SPHK2: variants seen among roughly 807,000 people sequenced by gnomAD.
SPHK2 encodes sphingosine kinase 2.
Under a neutral mutation model 32.3 loss-of-function variants are expected in SPHK2, and 18 were observed. That is an observed-to-expected ratio of 0.56 (90% CI 0.39 to 0.83). The LOEUF is 0.83. SPHK2 is among the 40% of genes least tolerant of loss of function. The pLI is 0.00. For synonymous variants in SPHK2, 462 were observed against 417.6 expected, an observed-to-expected ratio of 1.11 and a Z score of -1.30; for missense variants, 850 against 908.7, an observed-to-expected ratio of 0.94 and a Z score of 0.83.
chr19:48,624,359 T>G (rs990949976), intron 2 of SPHK2: 1 of 152,176 alleles, frequency 6.6e-6, no homozygotes, highest in Non-Finnish European at 1.5e-5. Context: ...ATGCACACCC[T>G]CCCCCCACCC....
chr19:48,630,093 G>A lies in SPHK2; in HGVS notation c.*320G>A, dbSNP rs1237591272. On this transcript the variant is annotated 3_prime_UTR_variant, in exon 7 of 7. Coordinates refer to ENST00000245222, the MANE Select transcript of SPHK2 (RefSeq NM_020126.5). The surrounding 1 kb of genome is among the most constrained non-coding windows in gnomAD (Gnocchi z 4.9). ...TCCTACCCGGCCAGGATGGCTGAGG[G>A]CGGAGTCTATTTTACGCGTCGCCCA... 2.4e-6 allele frequency: 3 copies of A among 1,276,128 alleles called. No homozygotes were observed. Among genetic ancestry groups the A allele is most frequent in the Non-Finnish European group, 3.0e-6 (3 of 1,010,960 alleles). 79.1% of individuals were successfully genotyped at this position (1,276,128 alleles called of 1,614,324 possible).
chr19:48,625,273 A>G lies in SPHK2; in HGVS notation c.40-618A>G, dbSNP rs1182694799. ...GTGAAAAAGTCTTACTCTCTTAAGT[A>G]TCTTTCATCGCCTGAGTTTCACCTC... On this transcript the variant is annotated intron_variant, in intron 2 of 6. Coordinates refer to ENST00000245222, the MANE Select transcript of SPHK2 (RefSeq NM_020126.5). 5 of 1,098,034 alleles carry G rather than the reference A, an allele frequency of 4.6e-6. No homozygotes were observed. The South Asian group carries it at 8.6e-5, about 19-fold the overall frequency. 68.0% of individuals were successfully genotyped at this position (1,098,034 alleles called of 1,614,324 possible).
intron 2 of SPHK2, among the ~76,000 whole-genome samples, chr19:48,621,228 C>T (rs1249895531): frequency 6.6e-6 from 1 of 152,094 alleles, no homozygotes; most frequent in Non-Finnish European, 1.5e-5. Flanking sequence ...TACAGGCATG[C>T]GCCACCACAC....
intron 2 of SPHK2, among the ~76,000 whole-genome samples, chr19:48,621,453 A>T (rs1023175752): frequency 6.6e-6 from 1 of 152,054 alleles, no homozygotes. Context: ...AGCTCAAGGG[A>T]TTCTCCCACC....
chr19:48,628,187 C>A lies in SPHK2; in HGVS notation c.782C>A (p.Pro261His). Residue 261 changes from proline (P) to histidine (H), a missense_variant, in exon 6 of 7, where the codon CCT becomes CAT. By Grantham distance (77) the Pro-to-His change is moderately conservative. Around this residue, in one of 2 missense-constraint regions of SPHK2, gnomAD observed 544 missense variants for 640.0 expected, o/e 0.85. Transcript: ENST00000245222. This position sits in a 1 kb window ranked among gnomAD's most constrained non-coding sequence, Gnocchi z 5.2. ...GTGCTGAACGGGCTCCTAGATCGCC[C>A]TGACTGGGAGGAAGCTGTGAAGATG... ...HEVLNGLLDR[P>H]DWEEAVKMPV... 6.2e-7 allele frequency: 1 copy of A among 1,613,900 alleles called. No homozygotes were observed. Among genetic ancestry groups the A allele is most frequent in the South Asian group, 1.1e-5 (1 of 91,066 alleles).
At position 48,619,514 on chromosome 19, in the gene SPHK2, C is replaced by T. The variant is rs893518861; in HGVS notation, c.-143C>T. 5 of 293,736 alleles carry T rather than the reference C, an allele frequency of 1.7e-5. No homozygotes were observed. Among genetic ancestry groups the T allele is most frequent in the Admixed American group, 1.5e-4 (3 of 20,472 alleles). 18.2% of individuals were successfully genotyped at this position (293,736 alleles called of 1,614,324 possible). ...GACGCCGACGGCCTCTCAGTGGCTC[C>T]CGGAGGACCCGGCGGGCCCAGTGTT... On this transcript the variant is annotated 5_prime_UTR_variant, in exon 1 of 7. Coordinates refer to ENST00000245222, the MANE Select transcript of SPHK2 (RefSeq NM_020126.5).
At position 48,630,385 on chromosome 19, in the gene SPHK2, G is replaced by T; in HGVS notation, c.*612G>T. 1 of 1,375,402 alleles carries T rather than the reference G, an allele frequency of 7.3e-7. No individual in the cohort carries two copies. The highest frequency in any genetic ancestry group is 9.4e-7 in the Non-Finnish European group (1 of 1,065,968). 85.2% of individuals were successfully genotyped at this position (1,375,402 alleles called of 1,614,324 possible). On this transcript the variant is annotated 3_prime_UTR_variant, in exon 7 of 7. Coordinates refer to ENST00000245222, the MANE Select transcript of SPHK2 (RefSeq NM_020126.5). This position sits in a 1 kb window ranked among gnomAD's most constrained non-coding sequence, Gnocchi z 4.9. The stretch of plus-strand genomic sequence containing the variant: ...AATTGAAAAGGTCTATGCAATAAAG[G>T]CAGTCGCTTCATTCCTCTCAGACCT...
Position 48,630,251 on chromosome 19 carries a change from G to C in SPHK2, c.*478G>C. Reference sequence around the variant, plus strand: ...CAGCCCAGGAGGGGCAGGTTCCCCGGGGCCGGCGCTAGGATTTGCACTAAT... The same window carrying C: ...CAGCCCAGGAGGGGCAGGTTCCCCGCGGCCGGCGCTAGGATTTGCACTAAT... On this transcript the variant is annotated 3_prime_UTR_variant, in exon 7 of 7. Coordinates refer to ENST00000245222, the MANE Select transcript of SPHK2 (RefSeq NM_020126.5). The surrounding 1 kb of genome is among the most constrained non-coding windows in gnomAD (Gnocchi z 4.9). 7 of 1,277,638 alleles carry C rather than the reference G, an allele frequency of 5.5e-6. No individual in the cohort carries two copies. Among genetic ancestry groups the C allele is most frequent in the Non-Finnish European group, 6.9e-6 (7 of 1,012,578 alleles). 79.1% of individuals were successfully genotyped at this position (1,277,638 alleles called of 1,614,324 possible). A position where few individuals can be genotyped will look rare whatever the true frequency, so the allele number is the denominator to read the frequency against.
chr19:48,626,623 T>C, intron 3 of SPHK2: 1 of 408,024 alleles, frequency 2.5e-6, no homozygotes. Flanking sequence ...GAGACCAGCC[T>C]GGCTAACATG....
intron 3 of SPHK2, 116 bp from the exon 4 acceptor site, chr19:48,627,576 C>A: frequency 2.4e-6 from 3 of 1,272,486 alleles, no homozygotes; most frequent in Non-Finnish European, 3.2e-6. Context: ...ACATGAGAGC[C>A]AGCAGGTCCC....
chr19:48,627,696 C>A lies in SPHK2; in HGVS notation c.516C>A (p.Ile172=), dbSNP rs1343826822. The stretch of plus-strand genomic sequence containing the variant: ...GACCCTAACCTCTCTCCACAGAGAT[C>A]ACCCCTGACCTGCTACCTCGGCCGC... ...RGLPLPGDGE[I]TPDLLPRPPR... is the part of the protein sequence containing the mutation. The change falls in exon 4 of 7, where the codon ATC becomes ATA. Residue 172 remains isoleucine (I), a synonymous_variant. Transcript: ENST00000245222. 6.3e-7 allele frequency: 1 copy of A among 1,587,358 alleles called. No individual in the cohort carries two copies.
intron 2 of SPHK2, 93 bp downstream of exon 2, chr19:48,620,646 A>T: frequency 9.1e-7 from 1 of 1,097,208 alleles, no homozygotes. Context: ...ATTGGAGGCC[A>T]GGCGTGGTAG....
Position 48,621,236 on chromosome 19 carries a change from C to T in SPHK2, c.39+683C>T, listed in dbSNP as rs143050675. On this transcript the variant is annotated intron_variant, in intron 2 of 6. Transcript: ENST00000245222. ...CTGGGATTACAGGCATGCGCCACCACACCCAGCTACTTTTGTATTTTTCAT... is the reference window on the plus strand; with the variant it reads ...CTGGGATTACAGGCATGCGCCACCATACCCAGCTACTTTTGTATTTTTCAT... 3.0e-3 allele frequency among the ~76,000 whole-genome samples: 456 copies of T among 152,328 alleles called. 2 individuals carry two copies. Among genetic ancestry groups the T allele is most frequent in the African/African-American group, 0.01 (428 of 41,578 alleles).
rs1483900104 is a variant in SPHK2, at chr19:48,629,611, C to T, written c.1803C>T (p.Gly601=). 6.3e-7 allele frequency: 1 copy of T among 1,598,746 alleles called. No individual in the cohort carries two copies. Among genetic ancestry groups the T allele is most frequent in the South Asian group, 1.1e-5 (1 of 89,240 alleles). ...SHFSLGCPQL[G]YAAARAFRLE... Reference sequence around the variant, plus strand: ...TCAGCCTGGGCTGTCCGCAGCTGGGCTACGCCGCGGCCCGTGCCTTCCGCC... The same window carrying T: ...TCAGCCTGGGCTGTCCGCAGCTGGGTTACGCCGCGGCCCGTGCCTTCCGCC... Residue 601 remains glycine (G), a synonymous_variant, in exon 7 of 7, where the codon GGC becomes GGT. Coordinates refer to ENST00000245222, the MANE Select transcript of SPHK2 (RefSeq NM_020126.5).
rs1335677063 is a variant in SPHK2 at position 48,628,125 on chromosome 19, C to G, written c.757-37C>G. 2 of 1,596,664 alleles carry G rather than the reference C, an allele frequency of 1.3e-6. No individual in the cohort carries two copies. The highest frequency in any genetic ancestry group is 1.7e-5 in the Admixed American group (1 of 58,360). On this transcript the variant is annotated intron_variant, in intron 5 of 6. Coordinates refer to ENST00000245222, the MANE Select transcript of SPHK2 (RefSeq NM_020126.5). The surrounding 1 kb of genome is among the most constrained non-coding windows in gnomAD (Gnocchi z 5.2). ...GGGCCCTGGGGGACTATAGAGACTGCCACCAGGACCCAGGCTTCTGGTCTC... is the reference window on the plus strand; with the variant it reads ...GGGCCCTGGGGGACTATAGAGACTGGCACCAGGACCCAGGCTTCTGGTCTC...
rs924467184 is a variant in SPHK2, at chr19:48,630,064, C to G, written c.*291C>G. On this transcript the variant is annotated 3_prime_UTR_variant, in exon 7 of 7. Transcript: ENST00000245222. This position sits in a 1 kb window ranked among gnomAD's most constrained non-coding sequence, Gnocchi z 4.9. The stretch of plus-strand genomic sequence containing the variant: ...AGGGCTCAGTCCTGACGCTTGCCAC[C>G]TGCTCCTACCCGGCCAGGATGGCTG... 19 of 1,287,932 alleles carry G rather than the reference C, an allele frequency of 1.5e-5. No individual in the cohort carries two copies. The highest frequency in any genetic ancestry group is 2.7e-5 in the South Asian group (1 of 36,746). The allele number at this position is 1,287,932 out of a possible 1,614,324, so 79.8% of individuals were successfully genotyped here.
At position 48,628,268 on chromosome 19, in the gene SPHK2, A is replaced by G. The variant is rs768800840; in HGVS notation, c.863A>G (p.Gln288Arg). Residue 288 changes from glutamine (Q) to arginine (R), a missense_variant, in exon 6 of 7, where the codon CAG becomes CGG. Gln to Arg is a conservative substitution (Grantham distance 43). Around this residue, in one of 2 missense-constraint regions of SPHK2, gnomAD observed 544 missense variants for 640.0 expected, o/e 0.85. Coordinates refer to ENST00000245222, the MANE Select transcript of SPHK2 (RefSeq NM_020126.5). This position sits in a 1 kb window ranked among gnomAD's most constrained non-coding sequence, Gnocchi z 5.2. ...SGNALAGAVN[Q>R]HGGFEPALGL... ...AACGCGCTGGCCGGAGCAGTGAACC[A>G]GCACGGGGGGTAGGTTGAGGATACC... The G allele has an allele frequency of 4.3e-6, 7 of 1,613,308 alleles. No homozygotes were observed. In the South Asian group the frequency reaches 6.6e-5, roughly 15 times the overall value.
chr19:48,621,174 G>C (rs952419612), intron 2 of SPHK2, among the ~76,000 whole-genome samples: 2 of 152,058 alleles, frequency 1.3e-5, no homozygotes, highest in Non-Finnish European at 2.9e-5. Flanking sequence ...CCGCCTCCCG[G>C]GTTCAAGCAG....
chr19:48,623,762 G>A (rs1351349494), intron 2 of SPHK2: 1 of 152,234 alleles, frequency 6.6e-6, no homozygotes, highest in Non-Finnish European at 1.5e-5. Context: ...TTCCAGAAGT[G>A]TCTGTCTCCA....
Sources: allele counts gnomAD v4.1 joint callset (sites outside exome capture counted in the v4.1 genomes callset), GRCh38; gene constraint gnomAD v4.1.1; regional missense constraint gnomAD v4.1.1; non-coding constraint Gnocchi (gnomAD v3.1); transcripts MANE v1.5; gene names NCBI Gene and HGNC (gene_info 2026-07-23, HGNC 2026-07-21).